The following MTHFD2L variants were observed in gnomAD, a reference collection of about 807,000 sequenced individuals.
MTHFD2L encodes methylenetetrahydrofolate dehydrogenase (NADP+ dependent) 2 like.
Under a neutral mutation model 34.9 loss-of-function variants are expected in MTHFD2L, and 29 were observed. The ratio of observed to expected loss-of-function variants is 0.83; its 90% CI spans 0.62 to 1.13. The LOEUF is 1.13. MTHFD2L is among the 50% of genes most tolerant of loss of function. MTHFD2L has a pLI of 0.00. For missense variants in MTHFD2L, 481 were observed against 446.5 expected (o/e 1.08, Z -0.70); for synonymous variants, 167 against 155.7 (o/e 1.07, Z -0.54).
At chr4:74,210,335 A>C (rs1340421189) in intron 5 of MTHFD2L, among the ~76,000 whole-genome samples, 1 of 152,192 alleles carries the variant, frequency 6.6e-6, no homozygotes, top group Non-Finnish European at 1.5e-5. Flanking sequence ...CTTTTGTTTA[A>C]GGCTTTAATC....
chr4:74,205,162 G>A (rs1244172766), intron 5 of MTHFD2L, among the ~76,000 whole-genome samples: 1 of 152,154 alleles, frequency 6.6e-6, no homozygotes, highest in South Asian at 2.1e-4. Flanking sequence ...GCATATTTAA[G>A]AGGAGTATGA....
At chr4:74,220,823 T>G (rs1373653735) in intron 5 of MTHFD2L, among the ~76,000 whole-genome samples, 1 of 151,356 alleles carries the variant, frequency 6.6e-6, no homozygotes, top group Non-Finnish European at 1.5e-5. Context: ...GTAGTCTGGT[T>G]TTTCAGATTT....
chr4:74,237,781 G>A (rs1345594237), intron 6 of MTHFD2L, among the ~76,000 whole-genome samples: 1 of 152,114 alleles, frequency 6.6e-6, no homozygotes, highest in Non-Finnish European at 1.5e-5. Context: ...GCTTAATATG[G>A]CATTGCATCA....
chr4:74,286,368 A>G (rs758466911), intron 7 of MTHFD2L, among the ~76,000 whole-genome samples: 7 of 152,196 alleles, frequency 4.6e-5, no homozygotes, highest in Non-Finnish European at 8.8e-5. Context: ...ACACTTAGGT[A>G]TACCTACTTT....
chr4:74,149,422 A>G (rs564474909), intron 1 of MTHFD2L, among the ~76,000 whole-genome samples: 35 of 147,358 alleles, frequency 2.4e-4, no homozygotes, highest in African/African-American at 7.5e-4. Flanking sequence ...TGAATGAATT[A>G]TAGCTACATG....
intron 5 of MTHFD2L, among the ~76,000 whole-genome samples, chr4:74,213,107 G>A (rs1736623922): frequency 6.6e-6 from 1 of 151,926 alleles, no homozygotes; most frequent in South Asian, 2.1e-4. Flanking sequence ...CGTGAGATGG[G>A]TCTCCTGAAT....
chr4:74,237,693 G>A (rs553228512), intron 6 of MTHFD2L, among the ~76,000 whole-genome samples: 1 of 152,236 alleles, frequency 6.6e-6, no homozygotes, highest in South Asian at 2.1e-4. Context: ...TCTTCATAGG[G>A]GAAGATGATC....
intron 6 of MTHFD2L, among the ~76,000 whole-genome samples, chr4:74,237,429 A>G (rs1741011482): frequency 6.6e-6 from 1 of 152,140 alleles, no homozygotes; most frequent in African/African-American, 2.4e-5. Flanking sequence ...TGGGCAGATC[A>G]TTTGAGGTCA....
chr4:74,263,467 G>T (rs1447028575), intron 6 of MTHFD2L, among the ~76,000 whole-genome samples: 2 of 151,942 alleles, frequency 1.3e-5, no homozygotes, highest in African/African-American at 4.8e-5. Context: ...AACATGGAAT[G>T]TTTTTCCATT....
chr4:74,187,028 A>G (rs1487309772), intron 3 of MTHFD2L, among the ~76,000 whole-genome samples: 1 of 152,226 alleles, frequency 6.6e-6, no homozygotes, highest in Non-Finnish European at 1.5e-5. Context: ...CTGATTTCTG[A>G]CAAAAGTGGA....
intron 7 of MTHFD2L, among the ~76,000 whole-genome samples, chr4:74,298,595 A>T (rs775715928): frequency 6.6e-6 from 1 of 152,058 alleles, no homozygotes; most frequent in Non-Finnish European, 1.5e-5. Context: ...GGTTTATCTG[A>T]TCTGACACCA....
At chr4:74,280,577 A>G (rs1037067119) in intron 6 of MTHFD2L, 26 of 152,106 alleles carry the variant, frequency 1.7e-4, no homozygotes, top group Admixed American at 1.6e-3. Flanking sequence ...ACCATAAGAC[A>G]TAATAATAAA....
At chr4:74,144,262 G>T (rs190792055) in intron 1 of MTHFD2L, among the ~76,000 whole-genome samples, 8 of 152,232 alleles carry the variant, frequency 5.3e-5, no homozygotes, top group Non-Finnish European at 1.2e-4. Context: ...AGACCAGCCT[G>T]ACCAATATGG....
chr4:74,276,895 T>G (rs2110262532), intron 6 of MTHFD2L, among the ~76,000 whole-genome samples: 2 of 152,210 alleles, frequency 1.3e-5, no homozygotes, highest in South Asian at 4.2e-4. Context: ...CAACACAACT[T>G]CAGAAATGAA....
intron 1 of MTHFD2L, among the ~76,000 whole-genome samples, chr4:74,150,933 A>C: frequency 6.6e-6 from 1 of 152,052 alleles, no homozygotes; most frequent in Admixed American, 6.5e-5. Flanking sequence ...ACTATATGGA[A>C]TCTGTAATAA....
chr4:74,207,216 A>G (rs1735496395), intron 5 of MTHFD2L, among the ~76,000 whole-genome samples: 1 of 152,126 alleles, frequency 6.6e-6, no homozygotes, highest in South Asian at 2.1e-4. Context: ...TCTTAGAGTA[A>G]GTTTCTCTTG....
chr4:74,196,878 G>A (rs113787302), intron 3 of MTHFD2L, among the ~76,000 whole-genome samples: 1 of 151,294 alleles, frequency 6.6e-6, no homozygotes, highest in African/African-American at 2.4e-5. Flanking sequence ...CCCAGGAGGC[G>A]GAGGTTGCAG....
chr4:74,293,398 A>T (rs1311113320), intron 7 of MTHFD2L: 4 of 322,466 alleles, frequency 1.2e-5, no homozygotes, highest in Non-Finnish European at 1.8e-5. Flanking sequence ...AGGAAAATAA[A>T]ACTTAGCCAC....
chr4:74,201,175 T>A, intron 4 of MTHFD2L, 88 bp from the exon 5 acceptor site: 1 of 888,768 alleles, frequency 1.1e-6, no homozygotes, highest in Non-Finnish European at 1.7e-6. Flanking sequence ...ATTAGAAATT[T>A]TTAAAAGAAT....
Sources: gnomAD v4.1 joint callset for allele counts (sites outside exome capture counted in the v4.1 genomes callset) on GRCh38, gnomAD v4.1.1 for gene constraint, MANE v1.5 for transcripts, NCBI Gene and HGNC (gene_info 2026-07-23, HGNC 2026-07-21) for gene names.